Variants in ZBTB7A observed in about 807,000 individuals in gnomAD.
The protein encoded by ZBTB7A is zinc finger and BTB domain containing 7A.
ZBTB7A carries 7 observed loss-of-function variants against 26.7 expected under a neutral mutation model. That is an observed-to-expected ratio of 0.26 (90% CI 0.15 to 0.49). The LOEUF is 0.49. ZBTB7A is among the 20% of genes least tolerant of loss of function. The pLI is 0.98. For synonymous variants in ZBTB7A, 452 were observed against 441.0 expected, an observed-to-expected ratio of 1.02 and a Z score of -0.31; for missense variants, 617 against 919.5, an observed-to-expected ratio of 0.67 and a Z score of 4.25.
intron 1 of ZBTB7A, chr19:4,065,727 CGGGGAGGGTGACCCCCCCCCCACGGGCGG>C (rs1382051745): frequency 8.3e-6 from 1 of 121,128 alleles, no homozygotes; most frequent in Non-Finnish European, 1.6e-5. Flanking sequence ...CCGGGGAGCG[CGGGGAGGGTGACCCCCCCCCCACGGGCGG>C]GGGGCCGAGG....
At chr19:4,059,135 C>T (rs953685405) in intron 1 of ZBTB7A, among the ~76,000 whole-genome samples, 8 of 152,196 alleles carry the variant, frequency 5.3e-5, no homozygotes, top group African/African-American at 1.7e-4. Context: ...CCGGATCAGA[C>T]GGGCCCGGGC....
intron 1 of ZBTB7A, among the ~76,000 whole-genome samples, chr19:4,063,879 C>A (rs758770644): frequency 1.3e-5 from 2 of 152,224 alleles, no homozygotes; most frequent in African/African-American, 4.8e-5. Context: ...CTCTAACCTC[C>A]GGAGTTTCCA....
rs1034802585 is a variant in ZBTB7A, at chr19:4,043,315, C to T, written c.*4437G>A. On this transcript the variant is annotated 3_prime_UTR_variant, in exon 3 of 3. Transcript: ENST00000322357. The stretch of plus-strand genomic sequence containing the variant: ...CTGAGGCGGCAGCGGTCGTAACAGG[C>T]TGCGTTTAGTGGTTCTTTTTTTTTT... Among the ~76,000 whole-genome samples, 6 of 148,178 alleles carry T rather than the reference C, an allele frequency of 4.0e-5. No homozygotes were observed. The highest frequency in any genetic ancestry group is 1.5e-5 in the Non-Finnish European group (1 of 67,470).
chr19:4,066,107 C>G (rs1172255905), intron 1 of ZBTB7A, among the ~76,000 whole-genome samples: 2 of 150,224 alleles, frequency 1.3e-5, no homozygotes, highest in Non-Finnish European at 3.0e-5. Flanking sequence ...GACTACGAAG[C>G]CCAGAGGTCC....
rs561482126 is a variant in ZBTB7A, at chr19:4,046,215, C to T, written c.*1537G>A. On this transcript the variant is annotated 3_prime_UTR_variant, in exon 3 of 3. Transcript: ENST00000322357. ...CACGAACACCCCACAGTCCTGCCTTCGAGGCTGACGTCTGGGGGTGAAGCA... is the reference window on the plus strand; with the variant it reads ...CACGAACACCCCACAGTCCTGCCTTTGAGGCTGACGTCTGGGGGTGAAGCA... The T allele has an allele frequency of 1.3e-4, 52 of 396,762 alleles. 1 individual carries two copies. In the South Asian group the frequency reaches 4.6e-3, roughly 35 times the overall value. 24.6% of individuals were successfully genotyped at this position (396,762 alleles called of 1,614,324 possible). A position where few individuals can be genotyped will look rare whatever the true frequency, so the allele number is the denominator to read the frequency against.
intron 1 of ZBTB7A, among the ~76,000 whole-genome samples, chr19:4,057,324 C>G (rs1002394984): frequency 3.9e-5 from 6 of 151,964 alleles, no homozygotes; most frequent in African/African-American, 9.7e-5. Flanking sequence ...GCCTGGGCAA[C>G]AAGAGCGAAA....
Position 4,055,659 on chromosome 19 carries a change from A to G in ZBTB7A, c.-15-412T>C, listed in dbSNP as rs200792126. Reference sequence around the variant, plus strand: ...AACACAGTGAAACCCCGTCTCTACTAAAAAATACAAAAAATTAGCCGGGCG... The same window carrying G: ...AACACAGTGAAACCCCGTCTCTACTGAAAAATACAAAAAATTAGCCGGGCG... On this transcript the variant is annotated intron_variant, in intron 1 of 2. Transcript: ENST00000322357. 6.6e-5 allele frequency among the ~76,000 whole-genome samples: 10 copies of G among 152,158 alleles called. No homozygotes were observed. The East Asian group carries it at 1.7e-3, about 27-fold the overall frequency.
At chr19:4,060,659 G>A (rs1035693115) in intron 1 of ZBTB7A, among the ~76,000 whole-genome samples, 16 of 152,244 alleles carry the variant, frequency 1.1e-4, no homozygotes, top group Admixed American at 5.9e-4. Flanking sequence ...ACCCCAGCAC[G>A]GGGAGCATCA....
rs542805181 is a variant in ZBTB7A at position 4,047,926 on chromosome 19, G to A, written c.1581C>T (p.Pro527=). 3.1e-5 allele frequency: 46 copies of A among 1,502,314 alleles called. No homozygotes were observed. Among genetic ancestry groups the A allele is most frequent in the South Asian group, 7.5e-5 (6 of 80,126 alleles). The allele number at this position is 1,502,314 out of a possible 1,614,324, so 93.1% of individuals were successfully genotyped here. The change falls in exon 3 of 3, where the codon CCC becomes CCT. Residue 527 remains proline, a synonymous_variant. Coordinates refer to ENST00000322357, the MANE Select transcript of ZBTB7A (RefSeq NM_015898.4). Reference sequence around the variant, plus strand: ...TCTCCTGGCCGTTGCGCCGGGCGTCGGGGGAGCTGGGCTGGGCGGGGGCGC... The same window carrying A: ...TCTCCTGGCCGTTGCGCCGGGCGTCAGGGGAGCTGGGCTGGGCGGGGGCGC... The part of the protein sequence containing the change: ...TPGAPAQPSS[P]DARRNGQEKH...
At chr19:4,066,104 A>AAGCCC (rs1424124216) in intron 1 of ZBTB7A, among the ~76,000 whole-genome samples, 1 of 149,240 alleles carries the variant, frequency 6.7e-6, no homozygotes, top group Non-Finnish European at 1.5e-5. Context: ...AGGGACTACG[A>AAGCCC]AGCCCAGAGG....
At position 4,047,919 on chromosome 19, in the gene ZBTB7A, G is replaced by T; in HGVS notation, c.1588C>A (p.Arg530=). ...APAQPSSPDA[R]RNGQEKHFKD... is the part of the protein sequence containing the mutation. ...AAGTGCTTCTCCTGGCCGTTGCGCC[G>T]GGCGTCGGGGGAGCTGGGCTGGGCG... Residue 530 remains arginine (R), a synonymous_variant, in exon 3 of 3, where the codon CGG becomes AGG. Transcript: ENST00000322357. The T allele has an allele frequency of 6.6e-7, 1 of 1,516,912 alleles. No individual in the cohort carries two copies. The highest frequency in any genetic ancestry group is 8.8e-7 in the Non-Finnish European group (1 of 1,132,126). 94.0% of individuals were successfully genotyped at this position (1,516,912 alleles called of 1,614,324 possible). A position where few individuals can be genotyped will look rare whatever the true frequency, so the allele number is the denominator to read the frequency against.
At position 4,043,676 on chromosome 19, in the gene ZBTB7A, C is replaced by T. The variant is rs1037400540; in HGVS notation, c.*4076G>A. Among the ~76,000 whole-genome samples, 5 of 146,822 alleles carry T rather than the reference C, an allele frequency of 3.4e-5. No individual in the cohort carries two copies. Among genetic ancestry groups the T allele is most frequent in the South Asian group, 2.3e-4 (1 of 4,440 alleles). On this transcript the variant is annotated 3_prime_UTR_variant, in exon 3 of 3. Coordinates refer to ENST00000322357, the MANE Select transcript of ZBTB7A (RefSeq NM_015898.4). ...GTCCACAGCCTCCAGGCAGCCCCGG[C>T]GAGGGATGGGGGTCTCCCTGGCCCC...
In ZBTB7A at chr19:4,045,235, T is replaced by A. The variant is rs1366547495; in HGVS notation, c.*2517A>T. ...GACAGCTGTGATTTTAGAGTTGGTT[T>A]TATTGCGAGGGGGTGCATGGATAGG... On this transcript the variant is annotated 3_prime_UTR_variant, in exon 3 of 3. Transcript: ENST00000322357. The surrounding 1 kb of genome is among the most constrained non-coding windows in gnomAD (Gnocchi z 4.1). 1 of 152,196 alleles carries A rather than the reference T, an allele frequency of 6.6e-6. No individual in the cohort carries two copies. The highest frequency in any genetic ancestry group is 1.9e-4 in the East Asian group (1 of 5,194). 9.4% of individuals were successfully genotyped at this position (152,196 alleles called of 1,614,324 possible).
chr19:4,047,898 G>C lies in ZBTB7A; in HGVS notation c.1609C>G (p.His537Asp). The C allele has an allele frequency of 6.3e-7, 1 of 1,576,340 alleles. No homozygotes were observed. Among genetic ancestry groups the C allele is most frequent in the Non-Finnish European group, 8.6e-7 (1 of 1,163,506 alleles). The change falls in exon 3 of 3, where the codon CAC (histidine) becomes GAC (aspartate). Residue 537 changes from histidine (H) to aspartate (D), a missense_variant. Transcript: ENST00000322357. ...TCGTCCTCGTCCTCGTCCTTAAAGT[G>C]CTTCTCCTGGCCGTTGCGCCGGGCG... Reference protein sequence around the residue: ...PDARRNGQEKHFKDEDEDEDV... With the variant: ...PDARRNGQEKDFKDEDEDEDV...
chr19:4,045,974 C>G lies in ZBTB7A; in HGVS notation c.*1778G>C, dbSNP rs1443743487. On this transcript the variant is annotated 3_prime_UTR_variant, in exon 3 of 3. Transcript: ENST00000322357. The surrounding 1 kb of genome is among the most constrained non-coding windows in gnomAD (Gnocchi z 4.1). ...CTGTCACCCACCTCAGCAGGGTAGG[C>G]GCATCCAAGGTCCAGCTCCTTGGTG... 2.5e-6 allele frequency: 1 copy of G among 398,614 alleles called. No individual in the cohort carries two copies. The highest frequency in any genetic ancestry group is 2.1e-5 in the African/African-American group (1 of 48,494). 24.7% of individuals were successfully genotyped at this position (398,614 alleles called of 1,614,324 possible). A position where few individuals can be genotyped will look rare whatever the true frequency, so the allele number is the denominator to read the frequency against.
rs754273016 is a variant in ZBTB7A at position 4,048,029 on chromosome 19, A to C, written c.1478T>G (p.Val493Gly). The change falls in exon 3 of 3, where the codon GTC becomes GGC. Residue 493 changes from valine (V) to glycine (G), a missense_variant. Physicochemically the swap from Val to Gly is moderately radical, Grantham distance 109. This residue lies in a region of ZBTB7A where 27 missense variants were observed against 38.7 expected (regional missense o/e 0.70). Transcript: ENST00000322357. This position sits in a 1 kb window ranked among gnomAD's most constrained non-coding sequence, Gnocchi z 6.7. ...RHLKKDGCNG[V>G]PSRRGRKPRV... The stretch of plus-strand genomic sequence containing the variant: ...GGGCTTGCGGCCGCGGCGCGAGGGG[A>C]CGCCGTTGCAGCCGTCTTTCTTGAG... 2 of 1,512,282 alleles carry C rather than the reference A, an allele frequency of 1.3e-6. No individual in the cohort carries two copies. Among genetic ancestry groups the C allele is most frequent in the Non-Finnish European group, 1.8e-6 (2 of 1,128,192 alleles). The allele number at this position is 1,512,282 out of a possible 1,614,324, so 93.7% of individuals were successfully genotyped here. A position where few individuals can be genotyped will look rare whatever the true frequency, so the allele number is the denominator to read the frequency against.
chr19:4,066,464 C>A (rs907075380), intron 1 of ZBTB7A, among the ~76,000 whole-genome samples: 1 of 151,582 alleles, frequency 6.6e-6, no homozygotes, highest in Non-Finnish European at 1.5e-5. Context: ...ACTTAGCCCC[C>A]AATCCCCCCT....
At chr19:4,058,322 C>T (rs2040603687) in intron 1 of ZBTB7A, among the ~76,000 whole-genome samples, 1 of 152,238 alleles carries the variant, frequency 6.6e-6, no homozygotes, top group African/African-American at 2.4e-5. Context: ...GCTGTTCAGC[C>T]CCAGCCAAGG....
rs1277507459 is a variant in ZBTB7A at position 4,047,666 on chromosome 19, T to G, written c.*86A>C. ...CTGTATATAGATAGATTTTCTTTTT[T>G]TGTGTTTTTGGGGGGGTGGTGGGTG... is the stretch of plus-strand genomic sequence containing the variant. On this transcript the variant is annotated 3_prime_UTR_variant, in exon 3 of 3. Transcript: ENST00000322357. The G allele has an allele frequency of 2.1e-6, 3 of 1,454,538 alleles. No homozygotes were observed. The highest frequency in any genetic ancestry group is 1.5e-5 in the African/African-American group (1 of 68,346). 90.1% of individuals were successfully genotyped at this position (1,454,538 alleles called of 1,614,324 possible).
Sources: allele counts gnomAD v4.1 joint callset (sites outside exome capture counted in the v4.1 genomes callset), GRCh38; gene constraint gnomAD v4.1.1; regional missense constraint gnomAD v4.1.1; non-coding constraint Gnocchi (gnomAD v3.1); transcripts MANE v1.5; gene names NCBI Gene and HGNC (gene_info 2026-07-23, HGNC 2026-07-21).